The following PC variants were observed in gnomAD, a reference collection of about 807,000 sequenced individuals.
The protein encoded by PC is pyruvate carboxylase, mitochondrial.
In PC, 46 loss-of-function variants were observed where a neutral mutation model predicts 107.8. The observed-to-expected ratio is 0.43, with a 90% CI of 0.34 to 0.55. The LOEUF is 0.55. Among genes scored for constraint, PC ranks in the 20% least tolerant of loss-of-function variants. The pLI, the probability that PC is intolerant of heterozygous loss-of-function variation, is 0.04. For synonymous variants in PC, 662 were observed against 684.7 expected, an observed-to-expected ratio of 0.97 and a Z score of 0.52; for missense variants, 1,241 against 1,643.1, an observed-to-expected ratio of 0.76 and a Z score of 4.23.
At chr11:66,854,689 C>G (rs759918392) in intron 12 of PC, among the ~76,000 whole-genome samples, 1 of 152,126 alleles carries the variant, frequency 6.6e-6, no homozygotes, top group Non-Finnish European at 1.5e-5. Context: ...CCTGTCGGCA[C>G]CTTCAACAGG....
chr11:66,853,215 G>C (rs564457894), intron 13 of PC, 24 bp downstream of exon 13: 114 of 1,612,046 alleles, frequency 7.1e-5, no homozygotes, highest in Non-Finnish European at 3.5e-5. Flanking sequence ...GGGGAGGGCA[G>C]GGCAGGGCAG....
At chr11:66,910,137 G>A (rs189322108) in intron 3 of PC, among the ~76,000 whole-genome samples, 57 of 152,194 alleles carry the variant, frequency 3.7e-4, no homozygotes, top group African/African-American at 1.1e-3. Context: ...TGGCTTAAAC[G>A]GTAGCAAGGT....
At chr11:66,937,243 A>G (rs1949022169) in intron 3 of PC, among the ~76,000 whole-genome samples, 1 of 152,182 alleles carries the variant, frequency 6.6e-6, no homozygotes, top group Non-Finnish European at 1.5e-5. Flanking sequence ...AGGACCATCT[A>G]AGACTCAAAA....
intron 3 of PC, among the ~76,000 whole-genome samples, chr11:66,923,951 C>G (rs1948653804): frequency 6.7e-6 from 1 of 149,020 alleles, no homozygotes; most frequent in Non-Finnish European, 1.5e-5. Flanking sequence ...ACCTATAATA[C>G]CAGCACTTTG....
At chr11:66,925,546 C>T (rs1213711004) in intron 3 of PC, among the ~76,000 whole-genome samples, 1 of 152,148 alleles carries the variant, frequency 6.6e-6, no homozygotes, top group Non-Finnish European at 1.5e-5. Context: ...CGCTGTTATC[C>T]TGTTCTTTTT....
chr11:66,947,854 T>C (rs149084093), intron 3 of PC, among the ~76,000 whole-genome samples: 18 of 151,064 alleles, frequency 1.2e-4, no homozygotes, highest in African/African-American at 3.9e-4. Flanking sequence ...TCCCAGCTAC[T>C]TGGGAGGCTA....
intron 3 of PC, among the ~76,000 whole-genome samples, chr11:66,928,163 G>A (rs1307829309): frequency 6.6e-6 from 1 of 152,052 alleles, no homozygotes; most frequent in African/African-American, 2.4e-5. Flanking sequence ...AAGGCGGGCG[G>A]ATCACAAGGT....
At chr11:66,886,368 G>C (rs891657981) in intron 3 of PC, among the ~76,000 whole-genome samples, 1 of 152,152 alleles carries the variant, frequency 6.6e-6, no homozygotes, top group African/African-American at 2.4e-5. Flanking sequence ...AGAGCTAGTG[G>C]GCCCCACCAG....
Position 66,857,748 on chromosome 11 carries a change from G to T in PC, c.1369-4365C>A. 2 of 1,590,974 alleles carry T rather than the reference G, an allele frequency of 1.3e-6. No individual in the cohort carries two copies. Among genetic ancestry groups the T allele is most frequent in the Non-Finnish European group, 1.7e-6 (2 of 1,175,488 alleles). ...CCCTTCCTACAGGGCGCTCACCATG[G>T]CCCCGCCGCTCCTGCTGCTGCTGCT... On this transcript the variant is annotated intron_variant, in intron 12 of 22. Coordinates refer to ENST00000393960, the MANE Select transcript of PC (RefSeq NM_001040716.2). The surrounding 1 kb of genome is among the most constrained non-coding windows in gnomAD (Gnocchi z 7.1).
chr11:66,855,447 C>T (rs147796330), intron 12 of PC, among the ~76,000 whole-genome samples: 17 of 152,298 alleles, frequency 1.1e-4, no homozygotes, highest in African/African-American at 3.9e-4. Context: ...AACAGACATG[C>T]GGTACCACGC....
Position 66,863,834 on chromosome 11 carries a change from G to A in PC, c.1308C>T (p.His436=), listed in dbSNP as rs776517996. ...TGCTCATCTTGGTGGCGGCCGTGGGGTGGTCTTTGCCGTGGGCAATGACTT... is the reference window on the plus strand; with the variant it reads ...TGCTCATCTTGGTGGCGGCCGTGGGATGGTCTTTGCCGTGGGCAATGACTT... The part of the protein sequence containing the change: ...LVKVIAHGKD[H]PTAATKMSRA... The change falls in exon 12 of 23, where the codon CAC becomes CAT. Residue 436 remains histidine (H), a synonymous_variant. Coordinates refer to ENST00000393960, the MANE Select transcript of PC (RefSeq NM_001040716.2). The A allele has an allele frequency of 2.5e-6, 4 of 1,613,780 alleles. No individual in the cohort carries two copies. Among genetic ancestry groups the A allele is most frequent in the South Asian group, 2.2e-5 (2 of 91,064 alleles).
Position 66,858,921 on chromosome 11 carries a change from G to A in PC, c.1368+4853C>T, listed in dbSNP as rs767216993. 8.9e-6 allele frequency: 14 copies of A among 1,569,370 alleles called. No homozygotes were observed. The highest frequency in any genetic ancestry group is 3.6e-5 in the Admixed American group (2 of 55,364). Reference sequence around the variant, plus strand: ...CGGGCCCTCGGACATCGCCGCCTCCGCTCGCACTGCTGCCGAGGGTGAGGG... The same window carrying A: ...CGGGCCCTCGGACATCGCCGCCTCCACTCGCACTGCTGCCGAGGGTGAGGG... On this transcript the variant is annotated intron_variant, in intron 12 of 22. Coordinates refer to ENST00000393960, the MANE Select transcript of PC (RefSeq NM_001040716.2). This position sits in a 1 kb window ranked among gnomAD's most constrained non-coding sequence, Gnocchi z 5.9.
intron 20 of PC, 32 bp downstream of exon 20, chr11:66,849,905 C>T (rs937250495): frequency 3.7e-6 from 6 of 1,613,610 alleles, no homozygotes; most frequent in Non-Finnish European, 2.5e-6. Context: ...GCATCCAGCC[C>T]CCACCCTCAC....
intron 3 of PC, among the ~76,000 whole-genome samples, chr11:66,874,667 GCA>G (rs1946905542): frequency 1.3e-5 from 2 of 152,190 alleles, no homozygotes; most frequent in South Asian, 4.1e-4. Flanking sequence ...CTTATGCCAG[GCA>G]CAGTTCTAAG....
chr11:66,905,486 C>T (rs1003131293), intron 3 of PC, among the ~76,000 whole-genome samples: 8 of 152,164 alleles, frequency 5.3e-5, no homozygotes, highest in Non-Finnish European at 1.0e-4. Flanking sequence ...CCTAGAGGAA[C>T]TAAGTTGTCT....
intron 3 of PC, among the ~76,000 whole-genome samples, chr11:66,905,247 C>T (rs751113860): frequency 1.3e-5 from 2 of 152,198 alleles, no homozygotes; most frequent in African/African-American, 2.4e-5. Context: ...GGAGGCAGGC[C>T]GAGCAGCTTA....
intron 12 of PC, among the ~76,000 whole-genome samples, chr11:66,862,461 G>A (rs545494680): frequency 1.2e-4 from 19 of 152,334 alleles, no homozygotes; most frequent in South Asian, 6.2e-4. Flanking sequence ...AAGCAACTGC[G>A]CCTCGATGAC....
Position 66,850,770 on chromosome 11 carries a change from C to G in PC, c.2377G>C (p.Val793Leu), listed in dbSNP as rs759723735. 6.2e-7 allele frequency: 1 copy of G among 1,611,554 alleles called. No individual in the cohort carries two copies. Among genetic ancestry groups the G allele is most frequent in the Non-Finnish European group, 8.5e-7 (1 of 1,179,980 alleles). The change falls in exon 18 of 23, where the codon GTG becomes CTG. Residue 793 changes from valine to leucine, a missense_variant. Val to Leu is a conservative substitution (Grantham distance 32). Around this residue, in one of 2 missense-constraint regions of PC, gnomAD observed 1,143 missense variants for 1,551.9 expected, o/e 0.74. Coordinates refer to ENST00000393960, the MANE Select transcript of PC (RefSeq NM_001040716.2). ...ATGGAATCAGCTGCCACATCCACCA[C>G]ATCAGCTCCAGCCTGGGCACAGGCC... ...MLACAQAGAD[V>L]VDVAADSMSG... is the part of the protein sequence containing the mutation.
At chr11:66,900,735 C>A (rs984749297) in intron 3 of PC, among the ~76,000 whole-genome samples, 1 of 152,040 alleles carries the variant, frequency 6.6e-6, no homozygotes, top group African/African-American at 2.4e-5. Context: ...TAAATTTATT[C>A]CCAAATATTT....
Sources: gnomAD v4.1 joint callset for allele counts (sites outside exome capture counted in the v4.1 genomes callset) on GRCh38, gnomAD v4.1.1 for gene constraint, gnomAD v4.1.1 regional missense constraint, Gnocchi (gnomAD v3.1) non-coding constraint, MANE v1.5 for transcripts, NCBI Gene and HGNC (gene_info 2026-07-23, HGNC 2026-07-21) for gene names.